SETDB2: variants seen among roughly 807,000 people sequenced by gnomAD.
The protein encoded by SETDB2 is histone-lysine N-methyltransferase SETDB2.
SETDB2 carries 56 observed loss-of-function variants against 82.5 expected under a neutral mutation model. That is an observed-to-expected ratio of 0.68 (90% CI 0.55 to 0.85). SETDB2 has a LOEUF of 0.85. Ranked by LOEUF, SETDB2 falls within the 40% of genes least tolerant of loss-of-function variation. SETDB2 has a pLI of 0.00. For missense variants in SETDB2, 677 were observed against 816.4 expected (o/e 0.83, Z 2.08); for synonymous variants, 272 against 284.9 (o/e 0.95, Z 0.46).
chr13:49,466,887 CT>C (rs1958127357), intron 4 of SETDB2, among the ~76,000 whole-genome samples: 1 of 148,140 alleles, frequency 6.8e-6, no homozygotes, highest in South Asian at 2.2e-4. Flanking sequence ...AACTCCTGGC[CT>C]CAAGTAATCT....
chr13:49,457,897 T>G (rs2138847062), intron 2 of SETDB2, among the ~76,000 whole-genome samples: 1 of 152,314 alleles, frequency 6.6e-6, no homozygotes, highest in Non-Finnish European at 1.5e-5. Flanking sequence ...TGAAAATACT[T>G]CAAAATACAT....
intron 6 of SETDB2, among the ~76,000 whole-genome samples, chr13:49,478,465 A>G (rs1370208843): frequency 1.3e-5 from 2 of 152,196 alleles, no homozygotes; most frequent in Non-Finnish European, 2.9e-5. Flanking sequence ...AGCACACAGG[A>G]CTAAACCCCA....
intron 4 of SETDB2, among the ~76,000 whole-genome samples, chr13:49,466,870 G>T (rs1020457321): frequency 6.6e-6 from 1 of 150,548 alleles, no homozygotes; most frequent in Non-Finnish European, 1.5e-5. Flanking sequence ...TGCTCAGGGG[G>T]GCCTTAAACT....
At chr13:49,464,429 T>C (rs528861509) in intron 4 of SETDB2, among the ~76,000 whole-genome samples, 1 of 152,342 alleles carries the variant, frequency 6.6e-6, no homozygotes, top group Non-Finnish European at 1.5e-5. Context: ...AGGGATTATA[T>C]TTAGTTTTGC....
intron 5 of SETDB2, among the ~76,000 whole-genome samples, chr13:49,473,746 G>A (rs1958296829): frequency 6.6e-6 from 1 of 151,940 alleles, no homozygotes; most frequent in Non-Finnish European, 1.5e-5. Flanking sequence ...TCAAAACAAA[G>A]AACAAGGCCA....
intron 1 of SETDB2, chr13:49,445,726 C>A (rs1413750760): frequency 6.7e-6 from 1 of 150,318 alleles, no homozygotes; most frequent in African/African-American, 2.5e-5. Context: ...GTCAGGAGTT[C>A]AAGACCAGCC....
chr13:49,463,347 TAGG>T (rs1482828734), intron 4 of SETDB2, among the ~76,000 whole-genome samples: 5 of 152,106 alleles, frequency 3.3e-5, no homozygotes, highest in South Asian at 2.1e-4. Flanking sequence ...TTGCGGGAAT[TAGG>T]AGGACCAGAG....
At chr13:49,465,627 C>A (rs1958091645) in intron 4 of SETDB2, among the ~76,000 whole-genome samples, 1 of 152,080 alleles carries the variant, frequency 6.6e-6, no homozygotes, top group African/African-American at 2.4e-5. Context: ...ACTTCCGCCT[C>A]CCGGGTTCAA....
intron 3 of SETDB2, 152 bp downstream of exon 3, chr13:49,460,384 C>A (rs1957969154): frequency 2.5e-6 from 2 of 811,882 alleles, no homozygotes; most frequent in Non-Finnish European, 3.5e-6. Context: ...TTATCTCAAG[C>A]TACTTTTTTC....
chr13:49,460,290 A>G, intron 3 of SETDB2, 58 bp downstream of exon 3: 1 of 1,525,972 alleles, frequency 6.6e-7, no homozygotes, highest in Non-Finnish European at 8.8e-7. Flanking sequence ...CTCTGACAGT[A>G]CAGTATCATT....
At chr13:49,471,873 C>A (rs1171259526) in intron 5 of SETDB2, among the ~76,000 whole-genome samples, 1 of 146,478 alleles carries the variant, frequency 6.8e-6, no homozygotes, top group Non-Finnish European at 1.5e-5. Flanking sequence ...GCTGCCCCAG[C>A]TAAACTCTAA....
In SETDB2 at chr13:49,493,581, A is replaced by ATATTG. The variant is rs1566180454; in HGVS notation, c.*1733_*1737dup. The stretch of plus-strand genomic sequence containing the variant: ...CCTTTTCCTTGGTTTACTCTTCCAC[A>ATATTG]TATTGGTAAAGCTCTTCCAATAGCT... On this transcript the variant is annotated 3_prime_UTR_variant, in exon 14 of 14. Transcript: ENST00000611815. 6.6e-6 allele frequency: 1 copy of ATATTG among 152,128 alleles called. No homozygotes were observed. The highest frequency in any genetic ancestry group is 2.4e-5 in the African/African-American group (1 of 41,418). 9.4% of individuals were successfully genotyped at this position (152,128 alleles called of 1,614,324 possible).
chr13:49,488,567 C>A lies in SETDB2; in HGVS notation c.1854C>A (p.Phe618Leu). 1 of 1,611,178 alleles carries A rather than the reference C, an allele frequency of 6.2e-7. No homozygotes were observed. The highest frequency in any genetic ancestry group is 1.1e-5 in the South Asian group (1 of 90,112). Reference sequence around the variant, plus strand: ...CTTCATCTGATTCTCTAACAAAGTTCAATAAAGGGAATGTGTTTTTATTGG... The same window carrying A: ...CTTCATCTGATTCTCTAACAAAGTTAAATAAAGGGAATGTGTTTTTATTGG... ...KNTSSDSLTKFNKGNVFLLDA... is the reference protein window; with the variant it reads ...KNTSSDSLTKLNKGNVFLLDA... Residue 618 changes from phenylalanine (F) to leucine (L), a missense_variant, in exon 12 of 14, where the codon TTC becomes TTA. Transcript: ENST00000611815.
intron 5 of SETDB2, among the ~76,000 whole-genome samples, chr13:49,471,932 A>ATTT (rs1293042049): frequency 4.0e-4 from 30 of 75,334 alleles, no homozygotes; most frequent in East Asian, 1.3e-3. Flanking sequence ...ATATATATAT[A>ATTT]TATTTTTTTT....
At chr13:49,483,881 A>G (rs1415924035) in intron 10 of SETDB2, among the ~76,000 whole-genome samples, 1 of 151,894 alleles carries the variant, frequency 6.6e-6, no homozygotes, top group African/African-American at 2.4e-5. Context: ...CAGCCTCCCA[A>G]AGTTCTGGGA....
At position 49,482,770 on chromosome 13, in the gene SETDB2, CT is replaced by C. The variant is rs1366027851; in HGVS notation, c.1192del (p.Tyr398MetfsTer13). The C allele has an allele frequency of 1.2e-6, 2 of 1,612,054 alleles. No homozygotes were observed. The highest frequency in any genetic ancestry group is 1.7e-6 in the Non-Finnish European group (2 of 1,178,702). ...RLLSRANTEK[S>X]YGIDENGRDE... ...CTAAGCAGAGCTAACACTGAAAAAT[CT>C]TATGGTATTGATGAAAACGGGAGAG... is the stretch of plus-strand genomic sequence containing the variant. On this transcript the variant is annotated frameshift_variant, in exon 9 of 14. Transcript: ENST00000611815. LOFTEE classifies it high-confidence loss of function.
intron 1 of SETDB2, among the ~76,000 whole-genome samples, chr13:49,448,568 T>C (rs1957733919): frequency 6.6e-6 from 1 of 152,194 alleles, no homozygotes. Context: ...GGAAATTTGA[T>C]TTTTTAATTT....
intron 5 of SETDB2, among the ~76,000 whole-genome samples, chr13:49,475,392 A>G (rs1269364556): frequency 6.6e-6 from 1 of 152,218 alleles, no homozygotes; most frequent in Non-Finnish European, 1.5e-5. Context: ...TATAATACAT[A>G]ACAGACACCT....
At chr13:49,484,694 A>T (rs896828176) in intron 10 of SETDB2, among the ~76,000 whole-genome samples, 1 of 152,252 alleles carries the variant, frequency 6.6e-6, no homozygotes, top group South Asian at 2.1e-4. Context: ...TTAGTCAGAG[A>T]CTGAAACGTA....
Sources: allele counts gnomAD v4.1 joint callset (sites outside exome capture counted in the v4.1 genomes callset), GRCh38; gene constraint gnomAD v4.1.1; transcripts MANE v1.5; gene names NCBI Gene and HGNC (gene_info 2026-07-23, HGNC 2026-07-21).